ZNF783: variants seen among roughly 807,000 people sequenced by gnomAD.
ZNF783 encodes zinc finger protein 783, also known as protein ZNF783.
A neutral mutation model predicts 31.3 loss-of-function variants in ZNF783; 25 were observed. The ratio of observed to expected loss-of-function variants is 0.80; its 90% CI spans 0.58 to 1.11. The LOEUF (loss-of-function observed/expected upper bound fraction) is 1.11. Ranked by LOEUF, ZNF783 falls within the 50% of genes most tolerant of loss-of-function variation. The pLI, the probability that ZNF783 is intolerant of heterozygous loss-of-function variation, is 0.00. For missense variants in ZNF783, 797 were observed against 760.0 expected (o/e 1.05, Z -0.57); for synonymous variants, 369 against 319.1 (o/e 1.16, Z -1.66).
At chr7:149,263,288 GTGTGTGTGTGTGTGTGTATA>G (rs752614112) in intron 1 of ZNF783, among the ~76,000 whole-genome samples, 9 of 110,098 alleles carry the variant, frequency 8.2e-5, no homozygotes, top group East Asian at 7.1e-4. Flanking sequence ...GTGTGTGTGT[GTGTGTGTGTGTGTGTGTATA>G]TATATATATA....
Position 149,266,672 on chromosome 7 carries a change from G to A in ZNF783, c.362G>A (p.Arg121His), listed in dbSNP as rs1369586129. Reference protein sequence around the residue: ...RRLENVENLLRNRNFWILRLP... With the variant: ...RRLENVENLLHNRNFWILRLP... The stretch of plus-strand genomic sequence containing the variant: ...CTGGAGAATGTGGAGAACTTGCTGC[G>A]CAACAGGAACTTCTGGATCTTGCGG... The change falls in exon 2 of 6, where the codon CGC (arginine) becomes CAC (histidine). Residue 121 changes from arginine (R) to histidine (H), a missense_variant. Transcript: ENST00000434415. 17 of 1,614,136 alleles carry A rather than the reference G, an allele frequency of 1.1e-5. No homozygotes were observed. The East Asian group carries it at 2.5e-4, about 23-fold the overall frequency.
At chr7:149,278,319 G>A (rs750451506) in intron 4 of ZNF783, 80 bp from the exon 5 acceptor site, 114 of 1,576,646 alleles carry the variant, frequency 7.2e-5, no homozygotes, top group Non-Finnish European at 9.1e-5. Context: ...CAGTGACTCT[G>A]CCTTTCCCCA....
intron 5 of ZNF783, 63 bp from the exon 6 acceptor site, chr7:149,281,442 C>T (rs927782638): frequency 4.4e-6 from 6 of 1,378,554 alleles, no homozygotes; most frequent in Middle Eastern, 1.9e-4. Context: ...AGGACTGGGC[C>T]GAGTGACCTG....
rs1797556363 is a variant in ZNF783 at position 149,284,489 on chromosome 7, C to T, written c.*2146C>T. 1 of 152,360 alleles carries T rather than the reference C, an allele frequency of 6.6e-6. No homozygotes were observed. Among genetic ancestry groups the T allele is most frequent in the African/African-American group, 2.4e-5 (1 of 41,452 alleles). The allele number at this position is 152,360 out of a possible 1,614,324, so 9.4% of individuals were successfully genotyped here. ...CACCCTTGCCAGGAGCTTCACAAAC[C>T]AGAGACGGGCTGTCAGCAAGAGCTC... On this transcript the variant is annotated 3_prime_UTR_variant, in exon 6 of 6. Transcript: ENST00000434415.
At chr7:149,276,488 G>A (rs1056597823) in intron 4 of ZNF783, 3 of 985,396 alleles carry the variant, frequency 3.0e-6, no homozygotes, top group Non-Finnish European at 3.6e-6. Flanking sequence ...TAACTCTCCC[G>A]TACGTAAAGG....
chr7:149,263,035 TCTC>T (rs1206391107), intron 1 of ZNF783, among the ~76,000 whole-genome samples: 2 of 151,938 alleles, frequency 1.3e-5, no homozygotes. Flanking sequence ...TTCAAGGGAT[TCTC>T]CTGCCTCAGC....
chr7:149,267,324 A>G, intron 4 of ZNF783, 102 bp downstream of exon 4: 1 of 1,454,712 alleles, frequency 6.9e-7, no homozygotes, highest in South Asian at 1.4e-5. Flanking sequence ...GCAGGAAGGG[A>G]GCATAGACCA....
At chr7:149,281,472 C>A (rs1263615660) in intron 5 of ZNF783, 33 bp from the exon 6 acceptor site, 1 of 1,422,704 alleles carries the variant, frequency 7.0e-7, no homozygotes, top group Non-Finnish European at 9.1e-7. Flanking sequence ...GTGGTGAGGT[C>A]CACTTGGAAA....
At chr7:149,267,809 A>C (rs1306227147) in intron 4 of ZNF783, among the ~76,000 whole-genome samples, 1 of 152,028 alleles carries the variant, frequency 6.6e-6, no homozygotes, top group Non-Finnish European at 1.5e-5. Context: ...AAAAAAAATA[A>C]TGGGGACTTA....
At chr7:149,268,490 A>G (rs1420083549) in intron 4 of ZNF783, among the ~76,000 whole-genome samples, 3 of 152,192 alleles carry the variant, frequency 2.0e-5, no homozygotes, top group African/African-American at 7.2e-5. Flanking sequence ...TTTAAAAAAA[A>G]TTTCAACTTT....
chr7:149,278,857 C>T (rs1797393025), intron 5 of ZNF783, among the ~76,000 whole-genome samples: 1 of 152,062 alleles, frequency 6.6e-6, no homozygotes, highest in African/African-American at 2.4e-5. Flanking sequence ...TTACGAGGGT[C>T]CCATCCACGG....
In ZNF783 at chr7:149,281,572, G is replaced by A. The variant is rs767409554; in HGVS notation, c.870G>A (p.Leu290=). The change falls in exon 6 of 6, where the codon CTG becomes CTA. Residue 290 remains leucine (L), a synonymous_variant. Transcript: ENST00000434415. ...EDEMTPERLF[L]GVSRGQTECR... is the part of the protein sequence containing the mutation. ...AGATGACGCCTGAGCGGCTCTTTCT[G>A]GGGGTGTCCCGAGGCCAGACCGAGT... 9.7e-5 allele frequency: 147 copies of A among 1,509,256 alleles called. No individual in the cohort carries two copies. The highest frequency in any genetic ancestry group is 1.2e-4 in the Non-Finnish European group (140 of 1,143,438). 93.5% of individuals were successfully genotyped at this position (1,509,256 alleles called of 1,614,324 possible).
intron 1 of ZNF783, among the ~76,000 whole-genome samples, chr7:149,262,842 T>G (rs1046637562): frequency 6.6e-6 from 1 of 152,294 alleles, no homozygotes; most frequent in Non-Finnish European, 1.5e-5. Context: ...ACGCCTCATA[T>G]TCTACTTTTG....
At chr7:149,265,201 G>C (rs1046955314) in intron 1 of ZNF783, among the ~76,000 whole-genome samples, 3 of 152,210 alleles carry the variant, frequency 2.0e-5, no homozygotes, top group Admixed American at 1.3e-4. Flanking sequence ...ATGTTGATTT[G>C]TCTCTCCAAC....
chr7:149,265,882 A>C (rs1797050842), intron 1 of ZNF783, among the ~76,000 whole-genome samples: 1 of 152,250 alleles, frequency 6.6e-6, no homozygotes, highest in African/African-American at 2.4e-5. Flanking sequence ...CCTTGCCCAC[A>C]GTTGGCCAGC....
At chr7:149,279,183 C>T (rs183412481) in intron 5 of ZNF783, among the ~76,000 whole-genome samples, 1 of 152,372 alleles carries the variant, frequency 6.6e-6, no homozygotes, top group East Asian at 1.9e-4. Flanking sequence ...TGGGTATCTT[C>T]CCCACTGGAT....
At chr7:149,276,574 C>A in intron 4 of ZNF783, 3 of 985,372 alleles carry the variant, frequency 3.0e-6, no homozygotes, top group Non-Finnish European at 2.4e-6. Flanking sequence ...CTTTTGATAA[C>A]CTTCTAGCTG....
chr7:149,280,416 T>G (rs1379937659), intron 5 of ZNF783, among the ~76,000 whole-genome samples: 5 of 129,586 alleles, frequency 3.9e-5, no homozygotes, highest in East Asian at 2.6e-4. Context: ...CTTTTGGGAG[T>G]GGGGTGGGGT....
Position 149,278,429 on chromosome 7 carries a change from G to C in ZNF783, c.704G>C (p.Ser235Thr). The change falls in exon 5 of 6, where the codon AGC (serine) becomes ACC (threonine). Residue 235 changes from serine (S) to threonine (T), a missense_variant. Ser to Thr is a moderately conservative substitution (Grantham distance 58). Coordinates refer to ENST00000434415, the MANE Select transcript of ZNF783 (RefSeq NM_001195220.2). ...CCTCCGTATCCAGAGCACCTCACCA[G>C]CCCACTTAGCCCTGCCCAGGAGGAG... ...GLPPYPEHLTSPLSPAQEELK... is the reference protein window; with the variant it reads ...GLPPYPEHLTTPLSPAQEELK... The C allele has an allele frequency of 6.3e-7, 1 of 1,599,366 alleles. No homozygotes were observed. Among genetic ancestry groups the C allele is most frequent in the Non-Finnish European group, 8.5e-7 (1 of 1,179,754 alleles).
Sources: gnomAD v4.1 joint callset for allele counts (sites outside exome capture counted in the v4.1 genomes callset) on GRCh38, gnomAD v4.1.1 for gene constraint, MANE v1.5 for transcripts, NCBI Gene and HGNC (gene_info 2026-07-23, HGNC 2026-07-21) for gene names.